CHD1L: variants seen among roughly 807,000 people sequenced by gnomAD.
The protein encoded by CHD1L is chromodomain helicase DNA binding protein 1 like.
In CHD1L, 118 loss-of-function variants were observed where a neutral mutation model predicts 115.9. The ratio of observed to expected loss-of-function variants is 1.02; its 90% confidence interval spans 0.88 to 1.19. The LOEUF (loss-of-function observed/expected upper bound fraction) is 1.19, where lower values mean the gene tolerates loss of function less well. CHD1L is among the 50% of genes most tolerant of loss of function. CHD1L has a pLI of 0.00. For missense variants in CHD1L, 1,179 were observed against 1,065.3 expected (o/e 1.11, Z -1.49); for synonymous variants, 411 against 387.1 (o/e 1.06, Z -0.72).
In CHD1L at chr1:147,291,487, A is replaced by G. The variant is rs782292994; in HGVS notation, c.2326A>G (p.Ser776Gly). 1.4e-5 allele frequency: 22 copies of G among 1,613,506 alleles called. No individual in the cohort carries two copies. Among genetic ancestry groups the G allele is most frequent in the Non-Finnish European group, 1.8e-5 (21 of 1,179,622 alleles). The change falls in exon 20 of 23, where the codon AGT (serine) becomes GGT (glycine). Residue 776 changes from serine (S) to glycine (G), a missense_variant. By Grantham distance (56) the Ser-to-Gly change is moderately conservative. Transcript: ENST00000369258. ...YELAGKMKDL[S>G]LGGVLLFPVD... is the part of the protein sequence containing the mutation. ...TCCTTTCTGTTTTACCTCAGACCTG[A>G]GTTTGGGAGGTGTCCTTTTATTTCC...
At chr1:147,195,772 G>T in the CHD1L span, among the ~76,000 whole-genome samples, 1 of 152,100 alleles carries the variant, frequency 6.6e-6, no homozygotes, top group African/African-American at 2.4e-5. Context: ...GTGGAATATG[G>T]AATTTCAGAA....
the CHD1L span, among the ~76,000 whole-genome samples, chr1:147,193,513 C>G: frequency 6.6e-6 from 1 of 152,062 alleles, no homozygotes; most frequent in Non-Finnish European, 1.5e-5. Flanking sequence ...TCCTTCAGTT[C>G]TGCTCTGATT....
chr1:147,227,959 T>C, the CHD1L span, among the ~76,000 whole-genome samples: 1 of 151,798 alleles, frequency 6.6e-6, no homozygotes, highest in Non-Finnish European at 1.5e-5. Context: ...TCGCCCAGGC[T>C]GGAGTGCAAG....
rs1676040331 is a variant in CHD1L, at chr1:147,271,109, G to T, written c.1159+104G>T. On this transcript the variant is annotated intron_variant, in intron 11 of 22. Coordinates refer to ENST00000369258, the MANE Select transcript of CHD1L (RefSeq NM_004284.6). ...GGATATGAGAATATTACAAAGGAAA[G>T]CAGGGTGAGAACATTATTCAGAACC... is the stretch of plus-strand genomic sequence containing the variant. 5.8e-6 allele frequency: 6 copies of T among 1,025,910 alleles called. No individual in the cohort carries two copies. The South Asian group carries it at 8.6e-5, about 15-fold the overall frequency. 63.6% of individuals were successfully genotyped at this position (1,025,910 alleles called of 1,614,324 possible).
the CHD1L span, among the ~76,000 whole-genome samples, chr1:147,232,143 G>A: frequency 6.6e-6 from 1 of 152,186 alleles, no homozygotes; most frequent in Admixed American, 6.5e-5. Flanking sequence ...AGGGAGGGCT[G>A]CAAAGGAAAG....
chr1:147,194,455 T>G, the CHD1L span, among the ~76,000 whole-genome samples: 5 of 152,174 alleles, frequency 3.3e-5, no homozygotes, highest in East Asian at 1.9e-4. Flanking sequence ...TCTTGACTCT[T>G]TATCCAATTT....
At chr1:147,200,492 A>G in the CHD1L span, among the ~76,000 whole-genome samples, 5 of 152,132 alleles carry the variant, frequency 3.3e-5, no homozygotes, top group Admixed American at 6.5e-5. Context: ...AGAGAACAAC[A>G]GTTGTAATGT....
chr1:147,227,489 C>T, the CHD1L span, among the ~76,000 whole-genome samples: 3 of 152,192 alleles, frequency 2.0e-5, no homozygotes, highest in Admixed American at 6.5e-5. Context: ...TTGAATATAG[C>T]AAATATGTTT....
At position 147,271,266 on chromosome 1, in the gene CHD1L, A is replaced by G. The variant is rs1676107449; in HGVS notation, c.1159+261A>G. ...TTTAAAATTATGGGCCGTGGAGCAA[A>G]TGTTGTGGAAATGTTTTTGAAAATG... On this transcript the variant is annotated intron_variant, in intron 11 of 22. Transcript: ENST00000369258. Among the ~76,000 whole-genome samples the G allele has an allele frequency of 2.0e-5, 3 of 152,178 alleles. No individual in the cohort carries two copies. The South Asian group carries it at 6.2e-4, about 32-fold the overall frequency.
chr1:147,255,836 T>A lies in CHD1L; in HGVS notation c.371T>A (p.Val124Glu), dbSNP rs782243350. The A allele has an allele frequency of 6.2e-7, 1 of 1,613,388 alleles. No individual in the cohort carries two copies. Among genetic ancestry groups the A allele is most frequent in the South Asian group, 1.1e-5 (1 of 91,010 alleles). Residue 124 changes from valine to glutamate, a missense_variant, in exon 4 of 23, where the codon GTA (valine) becomes GAA (glutamate). Coordinates refer to ENST00000369258, the MANE Select transcript of CHD1L (RefSeq NM_004284.6). ...MQRFAPGLSCVTYAGDKEERA... is the reference protein window; with the variant it reads ...MQRFAPGLSCETYAGDKEERA... ...AGATTTGCTCCAGGTCTTTCCTGTG[T>A]AACATATGCAGGCGACAAGGAGGAA...
intron 10 of CHD1L, among the ~76,000 whole-genome samples, chr1:147,269,931 T>G (rs1553951621): frequency 2.0e-5 from 3 of 152,212 alleles, no homozygotes; most frequent in Admixed American, 6.5e-5. Flanking sequence ...TGTATTTCAT[T>G]GGTTCTCGTA....
At chr1:147,233,104 C>T in the CHD1L span, among the ~76,000 whole-genome samples, 1 of 151,600 alleles carries the variant, frequency 6.6e-6, no homozygotes, top group African/African-American at 2.4e-5. Flanking sequence ...AGTGCCTCTG[C>T]CCCGCCGCCC....
At chr1:147,263,503 T>TAA (rs1672731356) in intron 6 of CHD1L, among the ~76,000 whole-genome samples, 1 of 152,008 alleles carries the variant, frequency 6.6e-6, no homozygotes, top group Non-Finnish European at 1.5e-5. Flanking sequence ...ATTGTTTAAT[T>TAA]CTACTAAATT....
intron 2 of CHD1L, 145 bp from the exon 3 acceptor site, chr1:147,254,725 C>T: frequency 2.0e-6 from 1 of 502,530 alleles, no homozygotes; most frequent in Non-Finnish European, 3.5e-6. Flanking sequence ...GGATTACTCC[C>T]CTGATATGCG....
At chr1:147,241,512 C>T (rs1664883025), upstream of CHD1L, among the ~76,000 whole-genome samples, 8 of 152,308 alleles carry the variant, frequency 5.3e-5, 2 homozygotes, top group South Asian at 1.7e-3. Context: ...TTTTCGGACT[C>T]AGCCCACCTG....
At chr1:147,191,575 T>C in the CHD1L span, among the ~76,000 whole-genome samples, 1 of 152,096 alleles carries the variant, frequency 6.6e-6, no homozygotes, top group Non-Finnish European at 1.5e-5. Flanking sequence ...TTGTAGATTC[T>C]GGATATTAGC....
the CHD1L span, among the ~76,000 whole-genome samples, chr1:147,181,473 A>G: frequency 1.3e-5 from 2 of 152,190 alleles, no homozygotes; most frequent in Admixed American, 1.3e-4. Flanking sequence ...TCTTAGAGGA[A>G]AAAAAGAGAA....
intron 1 of CHD1L, among the ~76,000 whole-genome samples, chr1:147,249,404 A>ATTTTTTTTTTTTTTTTTTTT (rs59773572): frequency 2.1e-5 from 2 of 94,170 alleles, no homozygotes; most frequent in Non-Finnish European, 3.8e-5. Context: ...CTTGGTGTGT[A>ATTTTTTTTTTTTTTTTTTTT]TTTTTTTTTT....
At chr1:147,212,709 GC>G in the CHD1L span, among the ~76,000 whole-genome samples, 5 of 151,818 alleles carry the variant, frequency 3.3e-5, no homozygotes, top group African/African-American at 1.2e-4. Context: ...TTTTCCCATA[GC>G]CTCAGAGTAG....
Sources: allele counts gnomAD v4.1 joint callset (sites outside exome capture counted in the v4.1 genomes callset), GRCh38; gene constraint gnomAD v4.1.1; transcripts MANE v1.5; gene names NCBI Gene and HGNC (gene_info 2026-07-23, HGNC 2026-07-21).